STK33: variants seen among roughly 807,000 people sequenced by gnomAD.
STK33 encodes the protein serine/threonine-protein kinase 33.
Under a neutral mutation model 58.0 loss-of-function variants are expected in STK33, and 52 were observed. The ratio of observed to expected loss-of-function variants is 0.90; its 90% CI spans 0.72 to 1.13. STK33 has a LOEUF of 1.13. Ranked by LOEUF, STK33 falls within the 50% of genes most tolerant of loss-of-function variation. The pLI is 0.00. For synonymous variants in STK33, 215 were observed against 200.1 expected (o/e 1.07, Z -0.63); for missense variants, 630 against 604.2 (o/e 1.04, Z -0.45).
At chr11:8,463,050 T>C (rs1010258758) in intron 7 of STK33, among the ~76,000 whole-genome samples, 1 of 152,172 alleles carries the variant, frequency 6.6e-6, no homozygotes, top group Non-Finnish European at 1.5e-5. Flanking sequence ...TTACCTAGTG[T>C]CATTCCAGCT....
chr11:8,396,862 T>C (rs759955532), intron 15 of STK33, among the ~76,000 whole-genome samples: 30 of 152,172 alleles, frequency 2.0e-4, no homozygotes, highest in Non-Finnish European at 3.5e-4. Context: ...GCCTCGCTCA[T>C]TGCTAGCACA....
chr11:8,468,402 C>T (rs560717955), intron 6 of STK33, among the ~76,000 whole-genome samples: 239 of 152,286 alleles, frequency 1.6e-3, no homozygotes, highest in African/African-American at 5.1e-3. Context: ...AAATTAGAGG[C>T]TTGTCTTCGT....
chr11:8,474,986 A>G lies in STK33; in HGVS notation c.-81T>C. ...AAAACCAGGCCAAAAAGGATAAGGT[A>G]GTTGATGGTGAAAACTGTAATTTCG... On this transcript the variant is annotated 5_prime_UTR_variant, in exon 5 of 16. Coordinates refer to ENST00000687296, the MANE Select transcript of STK33 (RefSeq NM_001352389.2). The G allele has an allele frequency of 7.4e-7, 1 of 1,344,096 alleles. No homozygotes were observed. Among genetic ancestry groups the G allele is most frequent in the Non-Finnish European group, 1.0e-6 (1 of 991,676 alleles). The allele number at this position is 1,344,096 out of a possible 1,614,324, so 83.3% of individuals were successfully genotyped here.
chr11:8,472,328 C>A (rs1348900430), intron 6 of STK33, among the ~76,000 whole-genome samples: 1 of 152,126 alleles, frequency 6.6e-6, no homozygotes. Context: ...TGCCAAATAT[C>A]TTTTAAAACA....
At position 8,392,200 on chromosome 11, in the gene STK33, G is replaced by A. The variant is rs769901161; in HGVS notation, c.*310C>T. The stretch of plus-strand genomic sequence containing the variant: ...ACATAAGAATTTGAAGTAAAAATGA[G>A]CAAGTGTGCCCACAGCCTTAAATTG... On this transcript the variant is annotated 3_prime_UTR_variant, in exon 16 of 16. Transcript: ENST00000687296. The A allele has an allele frequency of 3.1e-6, 1 of 327,610 alleles. No homozygotes were observed. Among genetic ancestry groups the A allele is most frequent in the African/African-American group, 2.1e-5 (1 of 47,548 alleles). 20.3% of individuals were successfully genotyped at this position (327,610 alleles called of 1,614,324 possible). A position where few individuals can be genotyped will look rare whatever the true frequency, so the allele number is the denominator to read the frequency against.
chr11:8,468,759 T>C (rs1163682565), intron 6 of STK33, among the ~76,000 whole-genome samples: 2 of 152,168 alleles, frequency 1.3e-5, no homozygotes, highest in Admixed American at 6.5e-5. Context: ...GTACAAAACA[T>C]AATTTTATTC....
intron 15 of STK33, among the ~76,000 whole-genome samples, chr11:8,397,232 C>T (rs1338594154): frequency 6.6e-6 from 1 of 152,214 alleles, no homozygotes; most frequent in Non-Finnish European, 1.5e-5. Flanking sequence ...AGACTGACAC[C>T]TCACACGGTC....
At chr11:8,427,138 T>A (rs368434747) in intron 14 of STK33, among the ~76,000 whole-genome samples, 2 of 152,192 alleles carry the variant, frequency 1.3e-5, no homozygotes. Context: ...TGTAAGTACT[T>A]CTACCATGTG....
Position 8,474,696 on chromosome 11 carries a change from G to GATTT in STK33, c.209_210insAAAT (p.Ser71AsnfsTer38). 6.2e-7 allele frequency: 1 copy of GATTT among 1,608,594 alleles called. No homozygotes were observed. Among genetic ancestry groups the GATTT allele is most frequent in the Non-Finnish European group, 8.5e-7 (1 of 1,178,106 alleles). ...TGATATTTACCAAATCTTTCCTGGA[G>GATTT]GTTATATCTCTGTTGATATTTTTTT... On this transcript the variant is annotated frameshift_variant, in exon 5 of 16. Transcript: ENST00000687296. LOFTEE classifies it high-confidence loss of function.
At chr11:8,518,508 T>C (rs1020336347) in intron 1 of STK33, among the ~76,000 whole-genome samples, 1 of 152,222 alleles carries the variant, frequency 6.6e-6, no homozygotes, top group Non-Finnish European at 1.5e-5. Context: ...ACCTTAAATG[T>C]AAATGGGCTA....
intron 14 of STK33, among the ~76,000 whole-genome samples, chr11:8,422,182 A>G (rs1226842040): frequency 3.3e-5 from 5 of 152,124 alleles, no homozygotes; most frequent in Non-Finnish European, 7.4e-5. Flanking sequence ...TCATGAATAC[A>G]TGTTGAGTCT....
At chr11:8,515,334 A>G (rs561061591) in intron 1 of STK33, among the ~76,000 whole-genome samples, 69 of 152,312 alleles carry the variant, frequency 4.5e-4, no homozygotes, top group African/African-American at 1.6e-3. Context: ...AAATTCTTAG[A>G]AACATAGAAC....
At chr11:8,482,394 G>A (rs958769316) in intron 1 of STK33, among the ~76,000 whole-genome samples, 2 of 152,140 alleles carry the variant, frequency 1.3e-5, no homozygotes, top group African/African-American at 4.8e-5. Context: ...CAGGCCAAAT[G>A]AGAATCCAGC....
chr11:8,486,526 T>C (rs1370061827), intron 1 of STK33, among the ~76,000 whole-genome samples: 8 of 152,228 alleles, frequency 5.3e-5, no homozygotes, highest in African/African-American at 1.9e-4. Context: ...GTTGAGTCTC[T>C]GCCTCTCCTA....
At chr11:8,546,548 CTAACTA>C (rs1252547125) in intron 1 of STK33, among the ~76,000 whole-genome samples, 1 of 152,090 alleles carries the variant, frequency 6.6e-6, no homozygotes, top group Non-Finnish European at 1.5e-5. Context: ...TTCCTTCTTT[CTAACTA>C]TATTTTTGTA....
chr11:8,439,457 T>C (rs1944444637), intron 12 of STK33, among the ~76,000 whole-genome samples: 1 of 152,176 alleles, frequency 6.6e-6, no homozygotes, highest in South Asian at 2.1e-4. Flanking sequence ...CTGTTTTGCA[T>C]GATACCTTAA....
intron 1 of STK33, among the ~76,000 whole-genome samples, chr11:8,521,512 C>T (rs185632667): frequency 1.4e-4 from 22 of 152,220 alleles, no homozygotes; most frequent in African/African-American, 5.3e-4. Flanking sequence ...AGACCTAAAA[C>T]CATAAAAACC....
intron 1 of STK33, among the ~76,000 whole-genome samples, chr11:8,585,587 T>C (rs1022266527): frequency 2.6e-5 from 4 of 152,014 alleles, no homozygotes; most frequent in Admixed American, 6.6e-5. Context: ...GTTAATTAAC[T>C]ACAAATTGTG....
downstream of STK33, among the ~76,000 whole-genome samples, chr11:8,391,044 G>A (rs1054580033): frequency 6.6e-6 from 1 of 152,188 alleles, no homozygotes; most frequent in Non-Finnish European, 1.5e-5. Context: ...CCCCGCCGGA[G>A]GTGACGGAAC....
Sources: gnomAD v4.1 joint callset for allele counts (sites outside exome capture counted in the v4.1 genomes callset) on GRCh38, gnomAD v4.1.1 for gene constraint, MANE v1.5 for transcripts, NCBI Gene and HGNC (gene_info 2026-07-23, HGNC 2026-07-21) for gene names.